The following FCF1 variants were observed in gnomAD, a reference collection of about 807,000 sequenced individuals.
The protein encoded by FCF1 is FCF1 rRNA-processing protein, also known as rRNA-processing protein FCF1 homolog.
Under a neutral mutation model 32.5 loss-of-function variants are expected in FCF1, and 17 were observed. The ratio of observed to expected loss-of-function variants is 0.52; its 90% CI spans 0.36 to 0.78. FCF1 has a LOEUF of 0.78. Among genes scored for constraint, FCF1 ranks in the 30% least tolerant of loss-of-function variants. The pLI is 0.00. For synonymous variants in FCF1, 84 were observed against 78.4 expected (o/e 1.07, Z -0.38); for missense variants, 201 against 241.1 (o/e 0.83, Z 1.10).
chr14:74,723,333 A>C lies in FCF1; in HGVS notation c.354A>C (p.Arg118=), dbSNP rs777007341. 1 of 1,612,540 alleles carries C rather than the reference A, an allele frequency of 6.2e-7. No homozygotes were observed. Among genetic ancestry groups the C allele is most frequent in the Non-Finnish European group, 8.5e-7 (1 of 1,178,804 alleles). Residue 118 remains arginine (R), a synonymous_variant, in exon 5 of 8, where the codon CGA becomes CGC. Coordinates refer to ENST00000341162, the MANE Select transcript of FCF1 (RefSeq NM_015962.5). ...AEIEKLGQKY[R]VALRIAKDPR... is the part of the protein sequence containing the mutation. ...TTGAGAAATTGGGGCAGAAGTATCG[A>C]GTGGCTCTAAGGTAGGAAGGAGGTA...
chr14:74,729,710 G>T (rs1006730924), intron 5 of FCF1, among the ~76,000 whole-genome samples: 1 of 151,900 alleles, frequency 6.6e-6, no homozygotes, highest in East Asian at 1.9e-4. Flanking sequence ...GTCAATTTTC[G>T]ATCTTTCCTG....
intron 1 of FCF1, 137 bp from the exon 2 acceptor site, chr14:74,713,346 CTG>C (rs2090359273): frequency 1.3e-6 from 2 of 1,575,098 alleles, no homozygotes; most frequent in East Asian, 2.3e-5. Context: ...CAAGCGGTGA[CTG>C]TTATGCTTTA....
chr14:74,723,277 C>G lies in FCF1; in HGVS notation c.298C>G (p.Pro100Ala). The change falls in exon 5 of 8, where the codon CCA becomes GCA. Residue 100 changes from proline to alanine, a missense_variant. Around this residue, in one of 3 missense-constraint regions of FCF1, gnomAD observed 121 missense variants for 147.8 expected, o/e 0.82. Transcript: ENST00000341162. ...TGAATTTTTTTCCCTGGCAGGTATC[C>G]CATGTATAACCGATTGTGTAATGGC... ...MMDCLYAKCI[P>A]CITDCVMAEI... is the part of the protein sequence containing the mutation. 1 of 1,612,376 alleles carries G rather than the reference C, an allele frequency of 6.2e-7. No individual in the cohort carries two copies. Among genetic ancestry groups the G allele is most frequent in the South Asian group, 1.1e-5 (1 of 91,026 alleles).
intron 5 of FCF1, 24 bp downstream of exon 5, chr14:74,723,368 T>A: frequency 6.6e-7 from 1 of 1,507,056 alleles, no homozygotes; most frequent in Non-Finnish European, 9.2e-7. Context: ...AAACTAGATC[T>A]GTTCTAGATT....
At position 74,725,087 on chromosome 14, in the gene FCF1, A is replaced by G. The variant is rs867125680; in HGVS notation, c.365+1743A>G. Reference sequence around the variant, plus strand: ...GTTCTGGTAAAAAAAAAAAGAAAGAAAAAGATTGCTATAGAGAAGTTCAGC... The same window carrying G: ...GTTCTGGTAAAAAAAAAAAGAAAGAGAAAGATTGCTATAGAGAAGTTCAGC... On this transcript the variant is annotated intron_variant, in intron 5 of 7. Coordinates refer to ENST00000341162, the MANE Select transcript of FCF1 (RefSeq NM_015962.5). Among the ~76,000 whole-genome samples, 28 of 152,128 alleles carry G rather than the reference A, an allele frequency of 1.8e-4. 1 individual carries two copies. Among genetic ancestry groups the G allele is most frequent in the Middle Eastern group, 3.4e-3 (1 of 294 alleles).
chr14:74,732,227 G>A (rs756034623), intron 5 of FCF1, among the ~76,000 whole-genome samples: 8 of 151,646 alleles, frequency 5.3e-5, no homozygotes, highest in African/African-American at 9.7e-5. Context: ...ACATTGGTAC[G>A]TACAGCTCTA....
Position 74,737,635 on chromosome 14 carries a change from G to A in FCF1, c.*2705G>A, listed in dbSNP as rs2090718917. The A allele has an allele frequency of 6.6e-6, 1 of 152,142 alleles. No homozygotes were observed. The highest frequency in any genetic ancestry group is 2.4e-5 in the African/African-American group (1 of 41,428). The allele number at this position is 152,142 out of a possible 1,614,324, so 9.4% of individuals were successfully genotyped here. On this transcript the variant is annotated 3_prime_UTR_variant, in exon 8 of 8. Transcript: ENST00000341162. ...TGAATAGTACCTGGCCCAAGTAAGT[G>A]TTCTTCAGTAAATGTTAGTGATTAT... is the stretch of plus-strand genomic sequence containing the variant.
chr14:74,723,118 C>T (rs2090528156), intron 4 of FCF1, among the ~76,000 whole-genome samples, 154 bp from the exon 5 acceptor site: 1 of 152,054 alleles, frequency 6.6e-6, no homozygotes, highest in South Asian at 2.1e-4. Flanking sequence ...TTAGGGTTTT[C>T]TTCTACTCTA....
chr14:74,732,504 A>G (rs1056229323), intron 5 of FCF1, among the ~76,000 whole-genome samples: 2 of 152,186 alleles, frequency 1.3e-5, no homozygotes, highest in African/African-American at 4.8e-5. Context: ...TCATCTGTAG[A>G]ATAGATATAT....
intron 6 of FCF1, 131 bp downstream of exon 6, chr14:74,732,949 G>A: frequency 1.7e-6 from 1 of 574,422 alleles, no homozygotes; most frequent in East Asian, 3.0e-5. Context: ...AAATTGCATA[G>A]CATTCCTTCA....
intron 4 of FCF1, among the ~76,000 whole-genome samples, chr14:74,718,669 T>C (rs2140022216): frequency 6.6e-6 from 1 of 151,862 alleles, no homozygotes; most frequent in East Asian, 2.0e-4. Context: ...ACGGGGTTTC[T>C]CTATGTTGGC....
At chr14:74,730,924 G>A (rs964713543) in intron 5 of FCF1, among the ~76,000 whole-genome samples, 1 of 152,084 alleles carries the variant, frequency 6.6e-6, no homozygotes, top group East Asian at 1.9e-4. Context: ...GCTTGAACCC[G>A]GGAGCAGAGG....
At chr14:74,729,883 G>GTTGT (rs2090612346) in intron 5 of FCF1, among the ~76,000 whole-genome samples, 1 of 152,160 alleles carries the variant, frequency 6.6e-6, no homozygotes, top group Non-Finnish European at 1.5e-5. Flanking sequence ...TCAGGAGCAG[G>GTTGT]TTGTTCAGTT....
chr14:74,736,967 G>A lies in FCF1; in HGVS notation c.*2037G>A, dbSNP rs987032318. 6.6e-6 allele frequency: 1 copy of A among 152,208 alleles called. No individual in the cohort carries two copies. The highest frequency in any genetic ancestry group is 1.5e-5 in the Non-Finnish European group (1 of 68,054). The allele number at this position is 152,208 out of a possible 1,614,324, so 9.4% of individuals were successfully genotyped here. A position where few individuals can be genotyped will look rare whatever the true frequency, so the allele number is the denominator to read the frequency against. On this transcript the variant is annotated 3_prime_UTR_variant, in exon 8 of 8. Transcript: ENST00000341162. ...ATTTTTTTCTACTGGTTGGGATGGAGAGGGAGGAAAGGCCAGTGGTCATGT... is the reference window on the plus strand; with the variant it reads ...ATTTTTTTCTACTGGTTGGGATGGAAAGGGAGGAAAGGCCAGTGGTCATGT...
At chr14:74,729,518 G>A (rs566794499) in intron 5 of FCF1, among the ~76,000 whole-genome samples, 32 of 151,956 alleles carry the variant, frequency 2.1e-4, no homozygotes, top group South Asian at 1.0e-3. Flanking sequence ...TCTTGGTAGC[G>A]GTTTATCAGT....
intron 4 of FCF1, among the ~76,000 whole-genome samples, chr14:74,720,387 A>G (rs2090484691): frequency 6.6e-6 from 1 of 152,162 alleles, no homozygotes; most frequent in Non-Finnish European, 1.5e-5. Flanking sequence ...CTAGGCAACC[A>G]CTAATCTACT....
chr14:74,725,673 G>A (rs1224965275), intron 5 of FCF1, among the ~76,000 whole-genome samples: 2 of 151,742 alleles, frequency 1.3e-5, no homozygotes, highest in Admixed American at 6.6e-5. Flanking sequence ...AGTGGCTCAC[G>A]CCTGTAATCC....
intron 2 of FCF1, among the ~76,000 whole-genome samples, chr14:74,714,622 C>T (rs61978899): frequency 6.6e-6 from 1 of 152,080 alleles, no homozygotes; most frequent in East Asian, 1.9e-4. Flanking sequence ...GTATAATCAG[C>T]TTTTATTTAC....
In FCF1 at chr14:74,735,050, T is replaced by C. The variant is rs2090689164; in HGVS notation, c.*120T>C. The C allele has an allele frequency of 6.1e-6, 5 of 821,718 alleles. No homozygotes were observed. The highest frequency in any genetic ancestry group is 1.0e-5 in the Non-Finnish European group (5 of 485,230). The allele number at this position is 821,718 out of a possible 1,614,324, so 50.9% of individuals were successfully genotyped here. On this transcript the variant is annotated 3_prime_UTR_variant, in exon 8 of 8. Transcript: ENST00000341162. ...GAGAGACTGATGGAGTTCAGGGAGA[T>C]ATTTATTATTTAGGTGCACCAGCCC...
Sources: gnomAD v4.1 joint callset for allele counts (sites outside exome capture counted in the v4.1 genomes callset) on GRCh38, gnomAD v4.1.1 for gene constraint, gnomAD v4.1.1 regional missense constraint, MANE v1.5 for transcripts, NCBI Gene and HGNC (gene_info 2026-07-23, HGNC 2026-07-21) for gene names.